CNOT6: variants seen among roughly 807,000 people sequenced by gnomAD.
CNOT6 encodes the protein CCR4-NOT transcription complex subunit 6.
Under a neutral mutation model 61.2 loss-of-function variants are expected in CNOT6, and 12 were observed. The observed-to-expected ratio is 0.20, with a 90% CI of 0.13 to 0.32. The LOEUF (loss-of-function observed/expected upper bound fraction) is 0.32, where lower values mean the gene tolerates loss of function less well. Among genes scored for constraint, CNOT6 ranks in the 10% least tolerant of loss-of-function variants. CNOT6 has a pLI of 1.00. For synonymous variants in CNOT6, 225 were observed against 240.6 expected, an observed-to-expected ratio of 0.94 and a Z score of 0.60; for missense variants, 405 against 663.9, an observed-to-expected ratio of 0.61 and a Z score of 4.28.
intron 2 of CNOT6, among the ~76,000 whole-genome samples, chr5:180,547,644 T>TAAGCCA (rs1759379874): frequency 6.6e-6 from 1 of 152,242 alleles, no homozygotes; most frequent in Non-Finnish European, 1.5e-5. Context: ...CTGGTGGCTT[T>TAAGCCA]TTAGATTTTC....
chr5:180,515,686 C>T (rs867086151), intron 1 of CNOT6, among the ~76,000 whole-genome samples: 7 of 151,936 alleles, frequency 4.6e-5, no homozygotes, highest in Admixed American at 2.0e-4. Context: ...TTTTCATATG[C>T]GCCCTAACTT....
At position 180,577,352 on chromosome 5, in the gene CNOT6, A is replaced by C. The variant is rs879607399; in HGVS notation, c.*3152A>C. 23 of 152,706 alleles carry C rather than the reference A, an allele frequency of 1.5e-4. No individual in the cohort carries two copies. The highest frequency in any genetic ancestry group is 1.2e-3 in the Admixed American group (18 of 15,290). The allele number at this position is 152,706 out of a possible 1,614,324, so 9.5% of individuals were successfully genotyped here. ...TTCAGGTTCTCAATAATAATATTCA[A>C]GTTTTAGAGTTTCACTTTGTACTAT... is the stretch of plus-strand genomic sequence containing the variant. On this transcript the variant is annotated 3_prime_UTR_variant, in exon 12 of 12. Transcript: ENST00000261951.
chr5:180,495,658 T>C (rs1222573484), intron 1 of CNOT6: 1 of 152,256 alleles, frequency 6.6e-6, no homozygotes, highest in Non-Finnish European at 1.5e-5. Flanking sequence ...CCAGGTGGAT[T>C]GTCTCATTGT....
intron 4 of CNOT6, among the ~76,000 whole-genome samples, chr5:180,563,115 G>A (rs761218056): frequency 1.3e-5 from 2 of 152,148 alleles, no homozygotes; most frequent in African/African-American, 4.8e-5. Flanking sequence ...ATGCAACTCA[G>A]CTTCTTTGAA....
intron 4 of CNOT6, among the ~76,000 whole-genome samples, chr5:180,560,065 TG>T (rs1760089152): frequency 6.6e-6 from 1 of 151,814 alleles, no homozygotes; most frequent in Non-Finnish European, 1.5e-5. Context: ...TCTCCTACCT[TG>T]CCTTCCAAGT....
chr5:180,573,051 C>T (rs1221178578), intron 11 of CNOT6, among the ~76,000 whole-genome samples: 3 of 152,152 alleles, frequency 2.0e-5, no homozygotes, highest in African/African-American at 7.2e-5. Context: ...TCCTCAGGTG[C>T]CCCTTCCTTT....
At chr5:180,557,331 C>T (rs1402356721) in intron 4 of CNOT6, among the ~76,000 whole-genome samples, 1 of 150,568 alleles carries the variant, frequency 6.6e-6, no homozygotes, top group Non-Finnish European at 1.5e-5. Flanking sequence ...AAGTGGTTTT[C>T]TGTAGTGTAA....
intron 1 of CNOT6, among the ~76,000 whole-genome samples, chr5:180,502,759 A>G (rs1475728168): frequency 6.6e-6 from 1 of 152,068 alleles, no homozygotes; most frequent in African/African-American, 2.4e-5. Context: ...ATCTCTCCTA[A>G]TTAAAAACCA....
chr5:180,518,334 GCC>G (rs1757739435), intron 1 of CNOT6, among the ~76,000 whole-genome samples: 1 of 151,812 alleles, frequency 6.6e-6, no homozygotes, highest in Non-Finnish European at 1.5e-5. Flanking sequence ...CTTTTGATTG[GCC>G]ATTTTACAAA....
Position 180,504,973 on chromosome 5 carries a change from T to C in CNOT6, c.-3+10210T>C, listed in dbSNP as rs1159028054. ...CTAGTTAATTTTTTTTTTTTTTTTT[T>C]TTTTGAGACGAAGTCTTGCTCTGTC... On this transcript the variant is annotated intron_variant, in intron 1 of 11. Transcript: ENST00000261951. Among the ~76,000 whole-genome samples the C allele has an allele frequency of 2.0e-5, 3 of 146,720 alleles. No individual in the cohort carries two copies. In the East Asian group the frequency reaches 5.9e-4, roughly 29 times the overall value.
chr5:180,522,739 C>A lies in CNOT6; in HGVS notation c.-2-6536C>A, dbSNP rs952051929. Among the ~76,000 whole-genome samples, 3 of 152,100 alleles carry A rather than the reference C, an allele frequency of 2.0e-5. No homozygotes were observed. The East Asian group carries it at 5.8e-4, about 29-fold the overall frequency. ...TCTCTGCTCACTGTGGCCTGGACCTCCTGGGCTCAAGTGATCCTTCTGCCT... is the reference window on the plus strand; with the variant it reads ...TCTCTGCTCACTGTGGCCTGGACCTACTGGGCTCAAGTGATCCTTCTGCCT... On this transcript the variant is annotated intron_variant, in intron 1 of 11. Transcript: ENST00000261951.
At chr5:180,497,925 C>A (rs997586963) in intron 1 of CNOT6, among the ~76,000 whole-genome samples, 1 of 152,000 alleles carries the variant, frequency 6.6e-6, no homozygotes, top group Non-Finnish European at 1.5e-5. Flanking sequence ...TGCCTGTAAT[C>A]CCAGCTACTC....
chr5:180,545,203 A>G (rs1759253294), intron 2 of CNOT6, among the ~76,000 whole-genome samples: 2 of 152,200 alleles, frequency 1.3e-5, no homozygotes, highest in South Asian at 2.1e-4. Flanking sequence ...TATAAAGTGA[A>G]TAATGTGTAT....
intron 4 of CNOT6, among the ~76,000 whole-genome samples, chr5:180,558,928 T>C (rs1760036203): frequency 6.6e-6 from 1 of 152,188 alleles, no homozygotes; most frequent in African/African-American, 2.4e-5. Flanking sequence ...ACAAGCACTT[T>C]ACCCCCGGCT....
At position 180,576,395 on chromosome 5, in the gene CNOT6, A is replaced by G. The variant is rs576058155; in HGVS notation, c.*2195A>G. ...AATGGAGGATGTCATCTTTTCATAG[A>G]TGCTGGAACTAGAGTGCACTTGTTA... On this transcript the variant is annotated 3_prime_UTR_variant, in exon 12 of 12. Coordinates refer to ENST00000261951, the MANE Select transcript of CNOT6 (RefSeq NM_001370472.1). 1 of 152,766 alleles carries G rather than the reference A, an allele frequency of 6.5e-6. No individual in the cohort carries two copies. Among genetic ancestry groups the G allele is most frequent in the East Asian group, 1.9e-4 (1 of 5,192 alleles). 9.5% of individuals were successfully genotyped at this position (152,766 alleles called of 1,614,324 possible).
In CNOT6 at chr5:180,575,272, T is replaced by A. The variant is rs1477222048; in HGVS notation, c.*1072T>A. 6.6e-6 allele frequency: 1 copy of A among 152,224 alleles called. No homozygotes were observed. The highest frequency in any genetic ancestry group is 1.5e-5 in the Non-Finnish European group (1 of 68,030). The allele number at this position is 152,224 out of a possible 1,614,324, so 9.4% of individuals were successfully genotyped here. On this transcript the variant is annotated 3_prime_UTR_variant, in exon 12 of 12. Transcript: ENST00000261951. The stretch of plus-strand genomic sequence containing the variant: ...AAAATGCTTTTGTATGAGCTGTGGC[T>A]TTTTCCCATTGTGAAGCATTGAATA...
At chr5:180,558,549 A>G (rs753345183) in intron 4 of CNOT6, among the ~76,000 whole-genome samples, 1 of 150,170 alleles carries the variant, frequency 6.7e-6, no homozygotes, top group African/African-American at 2.4e-5. Flanking sequence ...CTTTTTAGAC[A>G]GAAACAATAT....
chr5:180,561,329 C>T (rs1760170150), intron 4 of CNOT6, among the ~76,000 whole-genome samples: 1 of 150,118 alleles, frequency 6.7e-6, no homozygotes, highest in African/African-American at 2.5e-5. Flanking sequence ...TGTTTCTTTG[C>T]TCAGTCTTCC....
chr5:180,562,820 C>G (rs1760254478), intron 4 of CNOT6, among the ~76,000 whole-genome samples: 1 of 152,100 alleles, frequency 6.6e-6, no homozygotes, highest in South Asian at 2.1e-4. Context: ...GAGAAGTTTT[C>G]AGTTGACTTC....
Sources: allele counts gnomAD v4.1 joint callset (sites outside exome capture counted in the v4.1 genomes callset), GRCh38; gene constraint gnomAD v4.1.1; transcripts MANE v1.5; gene names NCBI Gene and HGNC (gene_info 2026-07-23, HGNC 2026-07-21).